Variants in MYRIP observed in about 807,000 individuals in gnomAD.
MYRIP encodes rab effector MyRIP.
MYRIP carries 49 observed loss-of-function variants against 98.0 expected under a neutral mutation model. That is an observed-to-expected ratio of 0.50 (90% CI 0.40 to 0.63). The LOEUF is 0.63. Ranked by LOEUF, MYRIP falls within the 30% of genes least tolerant of loss-of-function variation. The pLI is 0.00. For synonymous variants in MYRIP, 404 were observed against 409.5 expected (o/e 0.99, Z 0.16); for missense variants, 1,004 against 1,058.2 (o/e 0.95, Z 0.71).
At chr3:39,829,870 C>A (rs1427485570) in intron 1 of MYRIP, among the ~76,000 whole-genome samples, 1 of 152,132 alleles carries the variant, frequency 6.6e-6, no homozygotes, top group South Asian at 2.1e-4. Context: ...GTTGTGAATG[C>A]AACTGTACGT....
At chr3:39,955,845 A>C (rs1945143411) in intron 2 of MYRIP, among the ~76,000 whole-genome samples, 1 of 152,090 alleles carries the variant, frequency 6.6e-6, no homozygotes, top group Non-Finnish European at 1.5e-5. Context: ...CTACCAAGAA[A>C]ATGGAAAACA....
At chr3:40,012,466 C>T (rs955324712) in intron 2 of MYRIP, among the ~76,000 whole-genome samples, 2 of 152,152 alleles carry the variant, frequency 1.3e-5, no homozygotes, top group African/African-American at 4.8e-5. Flanking sequence ...TTTTGTCTCA[C>T]CAAAGTTGCC....
At chr3:39,816,667 G>A (rs922418225) in intron 1 of MYRIP, among the ~76,000 whole-genome samples, 9 of 152,176 alleles carry the variant, frequency 5.9e-5, no homozygotes, top group African/African-American at 2.2e-4. Flanking sequence ...CCCAAATGGA[G>A]TGGCTAATGG....
At position 40,086,115 on chromosome 3, in the gene MYRIP, A is replaced by G. The variant is rs886306489; in HGVS notation, c.332+41844A>G. On this transcript the variant is annotated intron_variant, in intron 3 of 16. Transcript: ENST00000302541. ...ACCCACAGGAAGGCAAGGAAAAGAG[A>G]AACAAAGGAATGAGAACTAGAAGAA... Among the ~76,000 whole-genome samples, 7 of 152,204 alleles carry G rather than the reference A, an allele frequency of 4.6e-5. 1 individual carries two copies. Among genetic ancestry groups the G allele is most frequent in the Admixed American group, 4.6e-4 (7 of 15,282 alleles).
chr3:39,887,109 A>G (rs1943327744), intron 1 of MYRIP, among the ~76,000 whole-genome samples: 1 of 152,064 alleles, frequency 6.6e-6, no homozygotes, highest in South Asian at 2.1e-4. Flanking sequence ...TAACAAAATG[A>G]AGGCAGAAAT....
chr3:40,166,982 G>C (rs1202907872), intron 6 of MYRIP, 39 bp downstream of exon 6: 1 of 1,524,780 alleles, frequency 6.6e-7, no homozygotes, highest in Non-Finnish European at 9.1e-7. Context: ...GGGGAGGTGT[G>C]GGTTGGGGTC....
rs187359783 is a variant in MYRIP, at chr3:40,103,956, T to G, written c.333-47092T>G. Among the ~76,000 whole-genome samples the G allele has an allele frequency of 9.3e-4, 142 of 152,366 alleles. 1 individual carries two copies. Among genetic ancestry groups the G allele is most frequent in the African/African-American group, 3.2e-3 (135 of 41,582 alleles). ...TGCCATCAATATGGTAGATACACTTTAAGCTTTATGAAGCAATATCCTATT... is the reference window on the plus strand; with the variant it reads ...TGCCATCAATATGGTAGATACACTTGAAGCTTTATGAAGCAATATCCTATT... On this transcript the variant is annotated intron_variant, in intron 3 of 16. Transcript: ENST00000302541.
intron 2 of MYRIP, among the ~76,000 whole-genome samples, chr3:39,913,343 C>A (rs1228118789): frequency 6.6e-6 from 1 of 152,142 alleles, no homozygotes; most frequent in Non-Finnish European, 1.5e-5. Context: ...TAAAGGGACA[C>A]AAGGCCTCAA....
chr3:40,199,162 G>A (rs1029797095), intron 10 of MYRIP, among the ~76,000 whole-genome samples: 5 of 152,146 alleles, frequency 3.3e-5, no homozygotes, highest in Non-Finnish European at 5.9e-5. Flanking sequence ...TGCTGCTTTC[G>A]GAGCTGAAAT....
chr3:40,032,407 C>G (rs1217129584), intron 2 of MYRIP, among the ~76,000 whole-genome samples: 1 of 152,068 alleles, frequency 6.6e-6, no homozygotes, highest in Non-Finnish European at 1.5e-5. Flanking sequence ...GTTATACTTT[C>G]TGTTCTTTTA....
At chr3:40,091,316 C>T (rs1275131917) in intron 3 of MYRIP, among the ~76,000 whole-genome samples, 2 of 127,252 alleles carry the variant, frequency 1.6e-5, no homozygotes, top group Non-Finnish European at 3.4e-5. Flanking sequence ...CCTTCTAGTA[C>T]TAGCCACTGA....
intron 3 of MYRIP, among the ~76,000 whole-genome samples, chr3:40,133,367 A>G (rs9878321): frequency 0.35 from 53,519 of 152,146 alleles, 10,001 homozygotes; most frequent in South Asian, 0.55. Context: ...TGATGTAATA[A>G]GACAAACAAA....
chr3:39,863,395 G>A (rs1239171610), intron 1 of MYRIP, among the ~76,000 whole-genome samples: 1 of 148,858 alleles, frequency 6.7e-6, no homozygotes, highest in Admixed American at 6.7e-5. Context: ...AATAAAACAG[G>A]CCACCACCTA....
chr3:40,055,943 A>G (rs966614288), intron 3 of MYRIP, among the ~76,000 whole-genome samples: 3 of 152,232 alleles, frequency 2.0e-5, no homozygotes, highest in Non-Finnish European at 2.9e-5. Context: ...CATGCCATGA[A>G]CTAAACCATA....
chr3:39,833,837 A>G (rs1941544888), intron 1 of MYRIP, among the ~76,000 whole-genome samples: 1 of 152,162 alleles, frequency 6.6e-6, no homozygotes, highest in Non-Finnish European at 1.5e-5. Context: ...CCTGGCCAAC[A>G]TGGTGAAACC....
chr3:40,053,126 T>G (rs1027596833), intron 3 of MYRIP, among the ~76,000 whole-genome samples: 1 of 152,182 alleles, frequency 6.6e-6, no homozygotes, highest in Non-Finnish European at 1.5e-5. Flanking sequence ...ACTTGCTCCC[T>G]TCTCTCTTCC....
At chr3:40,154,967 C>A (rs1950192707) in intron 4 of MYRIP, among the ~76,000 whole-genome samples, 2 of 151,816 alleles carry the variant, frequency 1.3e-5, no homozygotes, top group East Asian at 1.9e-4. Context: ...CATTCTATAT[C>A]TAATTTTGTT....
intron 9 of MYRIP, among the ~76,000 whole-genome samples, chr3:40,189,260 T>C (rs1363052684): frequency 6.6e-6 from 1 of 152,192 alleles, no homozygotes; most frequent in Non-Finnish European, 1.5e-5. Flanking sequence ...TGGCCTCAAG[T>C]CCTTTCCAGA....
intron 1 of MYRIP, among the ~76,000 whole-genome samples, chr3:39,848,105 A>G (rs930917): frequency 0.33 from 49,831 of 152,082 alleles, 8,574 homozygotes; most frequent in African/African-American, 0.42. Context: ...TTCTAGTGTT[A>G]TAGACGCCAG....
Sources: allele counts gnomAD v4.1 joint callset (sites outside exome capture counted in the v4.1 genomes callset), GRCh38; gene constraint gnomAD v4.1.1; transcripts MANE v1.5; gene names NCBI Gene and HGNC (gene_info 2026-07-23, HGNC 2026-07-21).